Variants in UVSSA observed in about 807,000 individuals in gnomAD.
The protein encoded by UVSSA is UV stimulated scaffold protein A.
UVSSA carries 72 observed loss-of-function variants against 73.9 expected under a neutral mutation model. The ratio of observed to expected loss-of-function variants is 0.97; its 90% CI spans 0.81 to 1.19. UVSSA has a LOEUF of 1.19. UVSSA is among the 50% of genes most tolerant of loss of function. UVSSA has a pLI of 0.00. For synonymous variants in UVSSA, 454 were observed against 391.3 expected (o/e 1.16, Z -1.89); for missense variants, 1,150 against 965.0 (o/e 1.19, Z -2.54).
chr4:1,393,280 C>T (rs1560500110), exon 14 of UVSSA: 1 of 152,218 alleles, frequency 6.6e-6, no homozygotes, highest in Non-Finnish European at 1.5e-5. Flanking sequence ...TTGGCTCTCT[C>T]CTATAATTTC....
At chr4:1,361,539 C>T (rs1171112446) in intron 7 of UVSSA, among the ~76,000 whole-genome samples, 2 of 152,266 alleles carry the variant, frequency 1.3e-5, no homozygotes, top group South Asian at 2.1e-4. Flanking sequence ...TGCTCGGCCC[C>T]GACAGTGCTG....
chr4:1,366,640 G>A (rs767789694), intron 8 of UVSSA, among the ~76,000 whole-genome samples: 2 of 152,220 alleles, frequency 1.3e-5, no homozygotes, highest in Admixed American at 6.5e-5. Flanking sequence ...TTCTGGCTCC[G>A]TCTCGGGTTC....
At chr4:1,344,330 C>A (rs149275073), upstream of UVSSA, among the ~76,000 whole-genome samples, 4 of 152,146 alleles carry the variant, frequency 2.6e-5, no homozygotes, top group South Asian at 8.3e-4. Context: ...GTGGGCAGAT[C>A]ACTTGAGGCC....
downstream of UVSSA, chr4:1,389,203 A>T (rs1272695016): frequency 6.6e-6 from 1 of 152,152 alleles, no homozygotes; most frequent in East Asian, 1.9e-4. Flanking sequence ...CATTAAAAAA[A>T]ATTTTTTTAA....
chr4:1,351,799 C>G lies in UVSSA; in HGVS notation c.514C>G (p.Gln172Glu). Residue 172 changes from glutamine to glutamate, a missense_variant, in exon 4 of 14, where the codon CAA becomes GAA. Gln to Glu is a conservative substitution (Grantham distance 29). Transcript: ENST00000389851. ...EKQKHLDKIY[Q>E]ERASQAEREM... ...GCAGAAGCACTTGGATAAAATTTAT[C>G]AAGAAAGAGCCAGCCAGGCGGAGAG... 1.2e-6 allele frequency: 2 copies of G among 1,613,666 alleles called. No individual in the cohort carries two copies. Among genetic ancestry groups the G allele is most frequent in the Non-Finnish European group, 1.7e-6 (2 of 1,179,846 alleles).
upstream of UVSSA, among the ~76,000 whole-genome samples, chr4:1,343,083 G>A (rs140613434): frequency 1.0e-3 from 154 of 152,266 alleles, 3 homozygotes; most frequent in African/African-American, 3.3e-3. Flanking sequence ...CCTATTTGGG[G>A]ACGGTATTAG....
At chr4:1,373,553 C>T (rs1048348265) in intron 8 of UVSSA, among the ~76,000 whole-genome samples, 5 of 152,182 alleles carry the variant, frequency 3.3e-5, no homozygotes, top group Non-Finnish European at 7.4e-5. Flanking sequence ...TCTGTGTTAA[C>T]CGTCTCGGGC....
At position 1,348,204 on chromosome 4, in the gene UVSSA, T is replaced by TAACAGTAA; in HGVS notation, c.98+15_98+16insAACAGTAA. 7 of 1,594,374 alleles carry TAACAGTAA rather than the reference T, an allele frequency of 4.4e-6. No homozygotes were observed. Among genetic ancestry groups the TAACAGTAA allele is most frequent in the Non-Finnish European group, 6.0e-6 (7 of 1,163,156 alleles). ...AAAATTTGCAAGTATGTCTTAGGGT[T>TAACAGTAA]CAGTAACAGTAACTGACTGGCCCAC... On this transcript the variant is annotated intron_variant, in intron 2 of 13. Transcript: ENST00000389851.
chr4:1,348,485 G>GTGCATC (rs1383912163), intron 2 of UVSSA, among the ~76,000 whole-genome samples: 1 of 152,252 alleles, frequency 6.6e-6, no homozygotes, highest in Non-Finnish European at 1.5e-5. Flanking sequence ...AGAGAGAAAC[G>GTGCATC]TGCATCTTTT....
At position 1,385,977 on chromosome 4, in the gene UVSSA, G is replaced by A. The variant is rs1353475326; in HGVS notation, c.*16G>A. The A allele has an allele frequency of 1.2e-6, 2 of 1,613,472 alleles. No homozygotes were observed. Among genetic ancestry groups the A allele is most frequent in the African/African-American group, 2.7e-5 (2 of 74,944 alleles). On this transcript the variant is annotated 3_prime_UTR_variant, in exon 14 of 14. Transcript: ENST00000389851. Reference sequence around the variant, plus strand: ...ACTGAACTAGAGAGCGGGGCCCAGTGCACTGGCCATCAGCACTTTCTCCCT... The same window carrying A: ...ACTGAACTAGAGAGCGGGGCCCAGTACACTGGCCATCAGCACTTTCTCCCT...
intron 13 of UVSSA, chr4:1,384,218 C>T: frequency 2.1e-6 from 1 of 472,890 alleles, no homozygotes; most frequent in Non-Finnish European, 3.8e-6. Context: ...CCTGGGGGAG[C>T]CATGCCAGGA....
intron 12 of UVSSA, among the ~76,000 whole-genome samples, chr4:1,381,297 G>A (rs895728433): frequency 2.0e-5 from 3 of 152,268 alleles, no homozygotes; most frequent in African/African-American, 4.8e-5. Context: ...CTTCCCTCGT[G>A]TTTTCAGGCA....
rs1229710958 is a variant in UVSSA, at chr4:1,386,158, C to G, written c.*197C>G. The stretch of plus-strand genomic sequence containing the variant: ...GGTTCGGCATCGTCTGGTGATGGGT[C>G]TGGCCTCGCAGAAGAGGCCCTCGGG... On this transcript the variant is annotated 3_prime_UTR_variant, in exon 14 of 14. Coordinates refer to ENST00000389851, the MANE Select transcript of UVSSA (RefSeq NM_020894.4). 1.6e-6 allele frequency: 1 copy of G among 608,346 alleles called. No homozygotes were observed. Among genetic ancestry groups the G allele is most frequent in the African/African-American group, 1.8e-5 (1 of 54,210 alleles). The allele number at this position is 608,346 out of a possible 1,614,324, so 37.7% of individuals were successfully genotyped here.
At chr4:1,366,843 C>T (rs906126403) in intron 8 of UVSSA, among the ~76,000 whole-genome samples, 6 of 152,288 alleles carry the variant, frequency 3.9e-5, no homozygotes, top group South Asian at 4.1e-4. Flanking sequence ...GAGGACGCAG[C>T]GGGGCAGGTC....
chr4:1,354,648 C>T (rs2109101291), intron 5 of UVSSA, 87 bp from the exon 6 acceptor site: 3 of 1,221,072 alleles, frequency 2.5e-6, no homozygotes, highest in Middle Eastern at 2.0e-4. Context: ...CAGGCTAGAG[C>T]AGCCTTCCTT....
At chr4:1,374,180 G>C (rs552208002) in intron 8 of UVSSA, among the ~76,000 whole-genome samples, 4 of 152,316 alleles carry the variant, frequency 2.6e-5, no homozygotes, top group African/African-American at 9.6e-5. Context: ...GGGGTCCTGA[G>C]CCCCCCTGGC....
At chr4:1,364,341 C>G (rs1481350175) in intron 7 of UVSSA, among the ~76,000 whole-genome samples, 11 of 77,276 alleles carry the variant, frequency 1.4e-4, no homozygotes, top group South Asian at 4.7e-4. Flanking sequence ...CCTCCCCGCA[C>G]GGTGCTGGTG....
In UVSSA at chr4:1,384,038, G is replaced by C. The variant is rs971395463; in HGVS notation, c.2036+98G>C. 5.1e-6 allele frequency: 7 copies of C among 1,374,040 alleles called. No homozygotes were observed. In the African/African-American group the frequency reaches 1.0e-4, roughly 20 times the overall value. 85.1% of individuals were successfully genotyped at this position (1,374,040 alleles called of 1,614,324 possible). On this transcript the variant is annotated intron_variant, in intron 13 of 13. Coordinates refer to ENST00000389851, the MANE Select transcript of UVSSA (RefSeq NM_020894.4). ...AGCGCCAAGATATTCCAGGGACTTG[G>C]GGCCTCCAGGGGCTCCCCTGCTTTG...
exon 14 of UVSSA, chr4:1,394,341 C>T: frequency 3.4e-6 from 4 of 1,177,000 alleles, no homozygotes; most frequent in Non-Finnish European, 4.7e-6. Context: ...GAATGCTCTT[C>T]CCCCTTAAAG....
Sources: allele counts gnomAD v4.1 joint callset (sites outside exome capture counted in the v4.1 genomes callset), GRCh38; gene constraint gnomAD v4.1.1; transcripts MANE v1.5; gene names NCBI Gene and HGNC (gene_info 2026-07-23, HGNC 2026-07-21).